MALT1: variants seen among roughly 807,000 people sequenced by gnomAD.
MALT1 encodes MALT1 paracaspase, also known as mucosa-associated lymphoid tissue lymphoma translocation protein 1.
In MALT1, 36 loss-of-function variants were observed where a neutral mutation model predicts 85.5. That is an observed-to-expected ratio of 0.42 (90% confidence interval 0.32 to 0.56). MALT1 has a LOEUF of 0.56. Among genes scored for constraint, MALT1 ranks in the 20% least tolerant of loss-of-function variants. The pLI is 0.10. For missense variants in MALT1, 716 were observed against 981.6 expected (o/e 0.73, Z 3.62); for synonymous variants, 359 against 361.3 (o/e 0.99, Z 0.07).
intron 1 of MALT1, chr18:58,672,890 G>A (rs375931492): frequency 6.6e-6 from 1 of 152,274 alleles, no homozygotes. Context: ...GCTAAATAAA[G>A]TCTTAATATT....
intron 13 of MALT1, among the ~76,000 whole-genome samples, chr18:58,737,603 A>G (rs1325543309): frequency 2.6e-5 from 4 of 152,030 alleles, no homozygotes; most frequent in African/African-American, 9.7e-5. Context: ...TCTTTGTGTG[A>G]GACTACAGAG....
rs1396826259 is a variant in MALT1, at chr18:58,749,729, T to C, written c.*1887T>C. ...CACAAAACCCACACAGATTGTCTTA[T>C]TACAGCATTTGATAAAATCCAAAAC... On this transcript the variant is annotated 3_prime_UTR_variant, in exon 17 of 17. Coordinates refer to ENST00000649217, the MANE Select transcript of MALT1 (RefSeq NM_006785.4). 9.1e-6 allele frequency: 2 copies of C among 219,470 alleles called. No homozygotes were observed. The highest frequency in any genetic ancestry group is 1.3e-4 in the East Asian group (2 of 14,838). 13.6% of individuals were successfully genotyped at this position (219,470 alleles called of 1,614,324 possible).
At position 58,748,246 on chromosome 18, in the gene MALT1, A is replaced by G. The variant is rs1337325434; in HGVS notation, c.*404A>G. 1 of 244,288 alleles carries G rather than the reference A, an allele frequency of 4.1e-6. No individual in the cohort carries two copies. Among genetic ancestry groups the G allele is most frequent in the Admixed American group, 5.2e-5 (1 of 19,376 alleles). The allele number at this position is 244,288 out of a possible 1,614,324, so 15.1% of individuals were successfully genotyped here. A position where few individuals can be genotyped will look rare whatever the true frequency, so the allele number is the denominator to read the frequency against. On this transcript the variant is annotated 3_prime_UTR_variant, in exon 17 of 17. Coordinates refer to ENST00000649217, the MANE Select transcript of MALT1 (RefSeq NM_006785.4). The stretch of plus-strand genomic sequence containing the variant: ...AATTTTATCCATGGAAGAAACACAG[A>G]AAGGCATCTAAGTTAGAGCTGGCAC...
At chr18:58,734,164 T>C (rs2055192662) in intron 11 of MALT1, 143 bp from the exon 12 acceptor site, 20 of 1,123,054 alleles carry the variant, frequency 1.8e-5, no homozygotes, top group Non-Finnish European at 2.3e-5. Context: ...GATATGTAGC[T>C]ACCTAGATGA....
At chr18:58,694,466 C>T (rs1217999576) in intron 2 of MALT1, among the ~76,000 whole-genome samples, 1 of 152,112 alleles carries the variant, frequency 6.6e-6, no homozygotes, top group African/African-American at 2.4e-5. Flanking sequence ...TATGAGGTCA[C>T]ATTCAGTATA....
At chr18:58,678,491 TATG>T (rs988239826) in intron 1 of MALT1, among the ~76,000 whole-genome samples, 5 of 152,114 alleles carry the variant, frequency 3.3e-5, no homozygotes, top group East Asian at 1.9e-4. Flanking sequence ...ATATGTTTAA[TATG>T]ATGGGGTTTC....
At chr18:58,722,559 C>G (rs2144421688) in intron 9 of MALT1, among the ~76,000 whole-genome samples, 1 of 150,864 alleles carries the variant, frequency 6.6e-6, no homozygotes, top group African/African-American at 2.5e-5. Flanking sequence ...TTCTCTCTCT[C>G]TTTGATATTT....
At chr18:58,702,305 G>GC (rs1227807714) in intron 4 of MALT1, among the ~76,000 whole-genome samples, 1 of 151,192 alleles carries the variant, frequency 6.6e-6, no homozygotes, top group Non-Finnish European at 1.5e-5. Flanking sequence ...GATCACTCAA[G>GC]CCCGGGAGGC....
intron 2 of MALT1, 118 bp from the exon 3 acceptor site, chr18:58,696,248 T>C (rs1446003345): frequency 6.1e-6 from 5 of 817,224 alleles, no homozygotes; most frequent in Non-Finnish European, 8.6e-6. Context: ...GAGTGATTTA[T>C]GACAAAGATA....
intron 9 of MALT1, among the ~76,000 whole-genome samples, chr18:58,718,748 A>C (rs995266388): frequency 1.2e-4 from 18 of 152,206 alleles, no homozygotes; most frequent in African/African-American, 4.3e-4. Context: ...TACATGCTAC[A>C]TGCCTAGTAG....
Position 58,709,458 on chromosome 18 carries a change from T to C in MALT1, c.730T>C (p.Leu244=), listed in dbSNP as rs1000831950. The stretch of plus-strand genomic sequence containing the variant: ...CCAAAAGCTGATGCCAGGCAGCACA[T>C]TGGTTTTACAGTGTGTTGCTGTTGG... ...TSQKLMPGST[L]VLQCVAVGSP... The change falls in exon 5 of 17, where the codon TTG becomes CTG. Residue 244 remains leucine (L), a synonymous_variant. Coordinates refer to ENST00000649217, the MANE Select transcript of MALT1 (RefSeq NM_006785.4). 6 of 1,612,882 alleles carry C rather than the reference T, an allele frequency of 3.7e-6. No individual in the cohort carries two copies. The African/African-American group carries it at 5.3e-5, about 14-fold the overall frequency.
At chr18:58,686,375 A>G (rs1233090799) in intron 2 of MALT1, among the ~76,000 whole-genome samples, 1 of 152,196 alleles carries the variant, frequency 6.6e-6, no homozygotes, top group African/African-American at 2.4e-5. Context: ...GTAGAATTAT[A>G]GGCTTCATCA....
intron 14 of MALT1, among the ~76,000 whole-genome samples, 170 bp downstream of exon 14, chr18:58,742,184 T>C (rs1024500646): frequency 6.6e-6 from 1 of 152,266 alleles, no homozygotes; most frequent in African/African-American, 2.4e-5. Flanking sequence ...CACTGGCTTA[T>C]TTGATTTAGA....
rs760262023 is a variant in MALT1, at chr18:58,752,154, CTTT to C, written c.*4318_*4320del. On this transcript the variant is annotated 3_prime_UTR_variant, in exon 17 of 17. Coordinates refer to ENST00000649217, the MANE Select transcript of MALT1 (RefSeq NM_006785.4). ...TCACTGACATGTATACTGGCATAAG[CTTT>C]TTTTTGTTTGTTTTTAATTTTATTA... The C allele has an allele frequency of 1.3e-5, 2 of 150,802 alleles. No homozygotes were observed. Among genetic ancestry groups the C allele is most frequent in the African/African-American group, 5.0e-5 (2 of 40,280 alleles). 9.3% of individuals were successfully genotyped at this position (150,802 alleles called of 1,614,324 possible).
chr18:58,708,562 G>T (rs1027731876), intron 4 of MALT1, among the ~76,000 whole-genome samples: 4 of 152,214 alleles, frequency 2.6e-5, no homozygotes, highest in African/African-American at 7.2e-5. Flanking sequence ...AGACATTTGT[G>T]TGGGGTGGGA....
At position 58,748,239 on chromosome 18, in the gene MALT1, A is replaced by T. The variant is rs1175842614; in HGVS notation, c.*397A>T. 1 of 247,716 alleles carries T rather than the reference A, an allele frequency of 4.0e-6. No individual in the cohort carries two copies. The highest frequency in any genetic ancestry group is 6.4e-5 in the East Asian group (1 of 15,674). The allele number at this position is 247,716 out of a possible 1,614,324, so 15.3% of individuals were successfully genotyped here. On this transcript the variant is annotated 3_prime_UTR_variant, in exon 17 of 17. Transcript: ENST00000649217. ...ATAACCTAATTTTATCCATGGAAGA[A>T]ACACAGAAAGGCATCTAAGTTAGAG...
chr18:58,728,528 C>T (rs1372998399), intron 10 of MALT1, among the ~76,000 whole-genome samples: 1 of 152,148 alleles, frequency 6.6e-6, no homozygotes, highest in Non-Finnish European at 1.5e-5. Flanking sequence ...TAGCTTGAGC[C>T]TGTGAGGTCG....
chr18:58,734,566 G>A, intron 12 of MALT1, 185 bp downstream of exon 12: 1 of 563,614 alleles, frequency 1.8e-6, no homozygotes, highest in South Asian at 2.4e-5. Context: ...TGGGATTACA[G>A]GCATGTGCCA....
intron 2 of MALT1, among the ~76,000 whole-genome samples, chr18:58,693,576 G>T (rs2054545302): frequency 6.6e-6 from 1 of 152,208 alleles, no homozygotes; most frequent in Non-Finnish European, 1.5e-5. Flanking sequence ...GCTGACTCTT[G>T]TTAGGGGCCA....
Sources: allele counts gnomAD v4.1 joint callset (sites outside exome capture counted in the v4.1 genomes callset), GRCh38; gene constraint gnomAD v4.1.1; transcripts MANE v1.5; gene names NCBI Gene and HGNC (gene_info 2026-07-23, HGNC 2026-07-21).